MAGI2: variants seen among roughly 807,000 people sequenced by gnomAD.
MAGI2 encodes the protein membrane associated guanylate kinase, WW and PDZ domain containing 2.
In MAGI2, 35 loss-of-function variants were observed where a neutral mutation model predicts 133.3. The observed-to-expected ratio is 0.26, with a 90% CI of 0.20 to 0.35. The LOEUF (loss-of-function observed/expected upper bound fraction) is 0.35. Among genes scored for constraint, MAGI2 ranks in the 10% least tolerant of loss-of-function variants. The pLI is 1.00. For synonymous variants in MAGI2, 729 were observed against 710.6 expected, an observed-to-expected ratio of 1.03 and a Z score of -0.41; for missense variants, 1,636 against 1,863.4, an observed-to-expected ratio of 0.88 and a Z score of 2.25.
chr7:78,595,728 G>C (rs1804522584), intron 3 of MAGI2, among the ~76,000 whole-genome samples: 1 of 152,154 alleles, frequency 6.6e-6, no homozygotes, highest in African/African-American at 2.4e-5. Context: ...TGTATGATGA[G>C]GTCCTCAGAG....
At chr7:79,447,108 C>T (rs1383702045) in intron 1 of MAGI2, among the ~76,000 whole-genome samples, 1 of 152,058 alleles carries the variant, frequency 6.6e-6, no homozygotes, top group African/African-American at 2.4e-5. Flanking sequence ...CAAATTTTAA[C>T]TTTTTTAAAA....
At chr7:78,182,097 A>G (rs1827239234) in intron 13 of MAGI2, among the ~76,000 whole-genome samples, 1 of 152,204 alleles carries the variant, frequency 6.6e-6, no homozygotes, top group African/African-American at 2.4e-5. Context: ...AAACATAAGT[A>G]CCATGGCTTA....
chr7:78,199,029 C>T (rs1828996621), intron 11 of MAGI2, among the ~76,000 whole-genome samples: 1 of 152,084 alleles, frequency 6.6e-6, no homozygotes, highest in African/African-American at 2.4e-5. Context: ...TAGAGCTCAC[C>T]CCATATAACA....
At chr7:78,537,174 C>T (rs1195210367) in intron 3 of MAGI2, among the ~76,000 whole-genome samples, 10 of 98,154 alleles carry the variant, frequency 1.0e-4, no homozygotes, top group African/African-American at 3.1e-4. Context: ...TTCCACTACA[C>T]ACACACACAC....
At chr7:78,460,050 T>A (rs1472350955) in intron 6 of MAGI2, among the ~76,000 whole-genome samples, 1 of 152,216 alleles carries the variant, frequency 6.6e-6, no homozygotes, top group Non-Finnish European at 1.5e-5. Flanking sequence ...AGACAAGAAT[T>A]TAATATCCAA....
At chr7:79,173,336 T>C (rs1825798054) in intron 1 of MAGI2, among the ~76,000 whole-genome samples, 1 of 151,392 alleles carries the variant, frequency 6.6e-6, no homozygotes, top group Admixed American at 6.6e-5. Context: ...TTTTTTTTTT[T>C]ACTTCTGATG....
At position 78,652,682 on chromosome 7, in the gene MAGI2, G is replaced by A. The variant is rs140687198; in HGVS notation, c.419-25443C>T. Among the ~76,000 whole-genome samples the A allele has an allele frequency of 5.6e-3, 846 of 151,998 alleles. 10 individuals are homozygous for A. The highest frequency in any genetic ancestry group is 0.019 in the African/African-American group (800 of 41,482). ...CCTAAGACCTAAAACCATGAAAACCGTAGAAGAAAACCTAGGCAATACCAT... is the reference window on the plus strand; with the variant it reads ...CCTAAGACCTAAAACCATGAAAACCATAGAAGAAAACCTAGGCAATACCAT... On this transcript the variant is annotated intron_variant, in intron 2 of 21. Transcript: ENST00000354212.
At chr7:78,703,734 A>T (rs73149085) in intron 2 of MAGI2, among the ~76,000 whole-genome samples, 7,528 of 151,996 alleles carry the variant, frequency 0.05, 275 homozygotes, top group Non-Finnish European at 0.077. Context: ...CCTGAAACTT[A>T]GTTTATATAC....
At chr7:78,483,916 T>G (rs1792695256) in intron 6 of MAGI2, among the ~76,000 whole-genome samples, 1 of 151,962 alleles carries the variant, frequency 6.6e-6, no homozygotes, top group Admixed American at 6.6e-5. Context: ...TTATGAGTTC[T>G]TCCTTGAGGA....
At chr7:78,154,816 T>C (rs1044377715) in intron 16 of MAGI2, among the ~76,000 whole-genome samples, 1 of 152,160 alleles carries the variant, frequency 6.6e-6, no homozygotes, top group Non-Finnish European at 1.5e-5. Flanking sequence ...GTGCTACAGC[T>C]GGACAATAAA....
intron 2 of MAGI2, among the ~76,000 whole-genome samples, chr7:78,865,815 T>C (rs777147631): frequency 2.0e-5 from 3 of 152,178 alleles, no homozygotes; most frequent in Non-Finnish European, 4.4e-5. Flanking sequence ...TAGAGAGATT[T>C]ACATGTCCCT....
chr7:79,229,779 T>C (rs1201521399), intron 1 of MAGI2, among the ~76,000 whole-genome samples: 3 of 152,104 alleles, frequency 2.0e-5, no homozygotes, highest in Non-Finnish European at 4.4e-5. Flanking sequence ...TCTTTTTTTT[T>C]AAGTTTTTTT....
intron 7 of MAGI2, 49 bp from the exon 8 acceptor site, chr7:78,346,092 A>T (rs749829716): frequency 1.9e-6 from 3 of 1,607,074 alleles, no homozygotes; most frequent in Non-Finnish European, 1.7e-6. Flanking sequence ...AAAGTTATTT[A>T]AAAGACCATA....
chr7:78,321,305 C>A (rs4263678), intron 9 of MAGI2, among the ~76,000 whole-genome samples: 1 of 151,618 alleles, frequency 6.6e-6, no homozygotes, highest in South Asian at 2.1e-4. Context: ...AGAGCCCTCA[C>A]AGCCAAGACA....
intron 2 of MAGI2, among the ~76,000 whole-genome samples, chr7:78,791,541 C>CT (rs553315100): frequency 0.055 from 7,253 of 132,956 alleles, 527 homozygotes; most frequent in African/African-American, 0.17. Flanking sequence ...GAGAAACAAT[C>CT]TTTTTTTTTT....
intron 2 of MAGI2, among the ~76,000 whole-genome samples, chr7:78,891,259 T>TCAGGAC (rs746729809): frequency 6.6e-5 from 10 of 151,892 alleles, no homozygotes; most frequent in Non-Finnish European, 1.3e-4. Flanking sequence ...CAAAAAAAGT[T>TCAGGAC]CAGGACCAGA....
chr7:78,557,310 A>T (rs1210849762), intron 3 of MAGI2, among the ~76,000 whole-genome samples: 5 of 152,044 alleles, frequency 3.3e-5, no homozygotes, highest in Admixed American at 3.3e-4. Context: ...CAGAACAACA[A>T]AATTGGAAGC....
rs144599296 is a variant in MAGI2 at position 79,171,770 on chromosome 7, A to ATTTTTTTTTTTTTTTT, written c.302-164580_302-164565dup. ...TATATATATATATATATATATATAT[A>ATTTTTTTTTTTTTTTT]TTTTTTTTTTTTTTTTCTTTTAAAG... On this transcript the variant is annotated intron_variant, in intron 1 of 21. Coordinates refer to ENST00000354212, the MANE Select transcript of MAGI2 (RefSeq NM_012301.4). Among the ~76,000 whole-genome samples the ATTTTTTTTTTTTTTTT allele has an allele frequency of 9.6e-5, 3 of 31,224 alleles. 1 individual carries two copies. The highest frequency in any genetic ancestry group is 2.2e-4 in the Non-Finnish European group (2 of 9,006). 20.5% of individuals were successfully genotyped at this position (31,224 alleles called of 152,430 possible).
intron 2 of MAGI2, among the ~76,000 whole-genome samples, chr7:78,653,877 G>A (rs977114467): frequency 1.3e-5 from 2 of 151,846 alleles, no homozygotes; most frequent in Non-Finnish European, 2.9e-5. Flanking sequence ...AGTACTCTGA[G>A]GTCAAAAGAT....
Sources: allele counts gnomAD v4.1 joint callset (sites outside exome capture counted in the v4.1 genomes callset), GRCh38; gene constraint gnomAD v4.1.1; transcripts MANE v1.5; gene names NCBI Gene and HGNC (gene_info 2026-07-23, HGNC 2026-07-21).